CFAP210: variants seen among roughly 807,000 people sequenced by gnomAD.
The protein encoded by CFAP210 is cilia- and flagella- associated protein 210.
the CFAP210 span, chr2:169,680,922 A>G: frequency 8.5e-7 from 1 of 1,179,806 alleles, no homozygotes; most frequent in Non-Finnish European, 1.2e-6. Context: ...TACATGTAAA[A>G]AAATTTATAA....
At chr2:169,675,631 C>T in the CFAP210 span, among the ~76,000 whole-genome samples, 1 of 152,186 alleles carries the variant, frequency 6.6e-6, no homozygotes, top group Non-Finnish European at 1.5e-5. Flanking sequence ...CACCTCCCAG[C>T]AGGCCCCACC....
At chr2:169,650,734 C>CTG in the CFAP210 span, among the ~76,000 whole-genome samples, 11,658 of 147,074 alleles carry the variant, frequency 0.079, 478 homozygotes, top group Non-Finnish European at 0.093. Flanking sequence ...TATGTATAAT[C>CTG]TGTGTGTGTG....
chr2:169,693,042 G>A, the CFAP210 span, among the ~76,000 whole-genome samples: 2 of 152,176 alleles, frequency 1.3e-5, no homozygotes, highest in Non-Finnish European at 2.9e-5. Flanking sequence ...TGAAAAAGTC[G>A]ATATTGATGA....
the CFAP210 span, among the ~76,000 whole-genome samples, chr2:169,692,442 A>G: frequency 8.4e-5 from 9 of 106,936 alleles, no homozygotes; most frequent in South Asian, 3.1e-4. Flanking sequence ...CAACAGGCGC[A>G]CGCACACACA....
At chr2:169,656,518 G>T in the CFAP210 span, among the ~76,000 whole-genome samples, 2 of 137,810 alleles carry the variant, frequency 1.5e-5, no homozygotes, top group Non-Finnish European at 3.2e-5. Context: ...GGAGGAGGAG[G>T]AGGAGAAGGA....
chr2:169,690,663 CAA>C, the CFAP210 span, among the ~76,000 whole-genome samples: 30 of 106,088 alleles, frequency 2.8e-4, no homozygotes, highest in Admixed American at 6.3e-4. Context: ...GACTCTGTCT[CAA>C]AAAAAAAAAA....
At chr2:169,688,036 C>T in the CFAP210 span, among the ~76,000 whole-genome samples, 3 of 152,236 alleles carry the variant, frequency 2.0e-5, no homozygotes, top group Non-Finnish European at 2.9e-5. Flanking sequence ...ATGAGCTCTA[C>T]ATTGGCCCCT....
chr2:169,685,832 T>C, the CFAP210 span, among the ~76,000 whole-genome samples: 1 of 152,166 alleles, frequency 6.6e-6, no homozygotes, highest in Non-Finnish European at 1.5e-5. Context: ...TTATTTTGCA[T>C]ATGGATATCC....
At chr2:169,662,224 T>C in the CFAP210 span, 2 of 1,545,672 alleles carry the variant, frequency 1.3e-6, no homozygotes, top group Non-Finnish European at 1.8e-6. Flanking sequence ...GTATCAATTT[T>C]AAAAGTTGGG....
the CFAP210 span, among the ~76,000 whole-genome samples, chr2:169,663,401 A>C: frequency 3.3e-5 from 5 of 151,770 alleles, no homozygotes; most frequent in Non-Finnish European, 5.9e-5. Flanking sequence ...GGGTCTTGCT[A>C]TGTTGCCCAG....
the CFAP210 span, among the ~76,000 whole-genome samples, chr2:169,652,568 T>C: frequency 6.6e-6 from 1 of 152,220 alleles, no homozygotes; most frequent in South Asian, 2.1e-4. Flanking sequence ...CGCCTGTGAA[T>C]GGTCATTGTC....
the CFAP210 span, among the ~76,000 whole-genome samples, chr2:169,665,697 T>C: frequency 6.6e-6 from 1 of 152,146 alleles, no homozygotes; most frequent in African/African-American, 2.4e-5. Flanking sequence ...TAGGATAGTG[T>C]TTATGCTGTA....
At chr2:169,650,518 A>T in the CFAP210 span, 1 of 1,557,766 alleles carries the variant, frequency 6.4e-7, no homozygotes, top group Non-Finnish European at 8.6e-7. Context: ...GTTTCTCCAT[A>T]AGCCTATAAC....
At chr2:169,664,155 G>A in the CFAP210 span, among the ~76,000 whole-genome samples, 3 of 152,002 alleles carry the variant, frequency 2.0e-5, no homozygotes, top group Non-Finnish European at 2.9e-5. Context: ...CTGAGATCAC[G>A]CCACTGCACT....
chr2:169,672,223 G>A, the CFAP210 span, among the ~76,000 whole-genome samples: 1 of 152,170 alleles, frequency 6.6e-6, no homozygotes, highest in Non-Finnish European at 1.5e-5. Context: ...TTCCTATGTT[G>A]TTTCCAACTA....
chr2:169,645,981 G>T, the CFAP210 span: 1 of 1,613,860 alleles, frequency 6.2e-7, no homozygotes, highest in South Asian at 1.1e-5. Context: ...ACAAACACTG[G>T]TCCACGGCCA....
the CFAP210 span, chr2:169,681,208 T>C: frequency 6.2e-7 from 1 of 1,612,638 alleles, no homozygotes; most frequent in Admixed American, 1.7e-5. Context: ...GATAGAGAAC[T>C]TGATCTTCTT....
chr2:169,689,501 A>C, the CFAP210 span, among the ~76,000 whole-genome samples: 1 of 152,208 alleles, frequency 6.6e-6, no homozygotes, highest in Non-Finnish European at 1.5e-5. Context: ...ATTAGATCTT[A>C]TAAATGTTTA....
the CFAP210 span, chr2:169,646,242 TATAC>T: frequency 8.3e-7 from 1 of 1,206,320 alleles, no homozygotes; most frequent in Non-Finnish European, 1.2e-6. Context: ...ACTTTCTAAA[TATAC>T]ATAGCATTTG....
Sources: allele counts gnomAD v4.1 joint callset (sites outside exome capture counted in the v4.1 genomes callset), GRCh38; gene constraint gnomAD v4.1.1; transcripts MANE v1.5; gene names NCBI Gene and HGNC (gene_info 2026-07-23, HGNC 2026-07-21).